DPYD: variants seen among roughly 807,000 people sequenced by gnomAD.
The protein encoded by DPYD is dihydropyrimidine dehydrogenase [NADP(+)].
In DPYD, 109 loss-of-function variants were observed where a neutral mutation model predicts 116.2. That is an observed-to-expected ratio of 0.94 (90% CI 0.80 to 1.10). The LOEUF (loss-of-function observed/expected upper bound fraction) is 1.10, where lower values mean the gene tolerates loss of function less well. Among genes scored for constraint, DPYD ranks in the 50% least tolerant of loss-of-function variants. The probability of loss-of-function intolerance (pLI) is 0.00; values close to 1 mark genes in which losing one functional copy is unlikely to be tolerated. For synonymous variants in DPYD, 440 were observed against 432.0 expected (o/e 1.02, Z -0.23); for missense variants, 1,302 against 1,254.5 (o/e 1.04, Z -0.57).
In DPYD at chr1:97,595,071, CT is replaced by C; in HGVS notation, c.945del (p.Gly316AlafsTer20). On this transcript the variant is annotated frameshift_variant, in exon 9 of 23. Coordinates refer to ENST00000370192, the MANE Select transcript of DPYD (RefSeq NM_000110.4). LOFTEE classifies it high-confidence loss of function. ...CAATATGTTATACCTGCTTTACTGCCTTTGGCTACAAGTGGCAAAAAGTCTT... is the reference window on the plus strand; with the variant it reads ...CAATATGTTATACCTGCTTTACTGCCTTGGCTACAAGTGGCAAAAAGTCTT... ...TSKDFLPLVA[K>X]GSKAGMCACH... is the part of the protein sequence containing the mutation. The C allele has an allele frequency of 3.1e-6, 5 of 1,613,120 alleles. No individual in the cohort carries two copies. Among genetic ancestry groups the C allele is most frequent in the Non-Finnish European group, 3.4e-6 (4 of 1,179,250 alleles).
intron 8 of DPYD, among the ~76,000 whole-genome samples, chr1:97,638,796 C>T (rs1657715193): frequency 1.3e-5 from 2 of 152,052 alleles, no homozygotes; most frequent in Admixed American, 1.3e-4. Context: ...AACCAGGTCT[C>T]ATGTGAACTT....
intron 21 of DPYD, among the ~76,000 whole-genome samples, chr1:97,086,409 G>C (rs1223326630): frequency 6.6e-6 from 1 of 151,370 alleles, no homozygotes; most frequent in Non-Finnish European, 1.5e-5. Context: ...TAAAGTTTAA[G>C]GCCAAAGAGT....
At chr1:97,737,741 A>T (rs940589233) in intron 4 of DPYD, among the ~76,000 whole-genome samples, 5 of 152,028 alleles carry the variant, frequency 3.3e-5, no homozygotes, top group Non-Finnish European at 5.9e-5. Flanking sequence ...CAATATATGT[A>T]CAATATATAT....
At chr1:97,360,284 C>T (rs1368969333) in intron 16 of DPYD, among the ~76,000 whole-genome samples, 4 of 152,138 alleles carry the variant, frequency 2.6e-5, no homozygotes, top group Non-Finnish European at 4.4e-5. Context: ...CAGGAGCACC[C>T]AGATTCATAA....
At chr1:97,709,635 T>C (rs1490559099) in intron 5 of DPYD, among the ~76,000 whole-genome samples, 3 of 151,774 alleles carry the variant, frequency 2.0e-5, no homozygotes, top group South Asian at 2.1e-4. Context: ...AATGGAAAGA[T>C]TGCAATGCAG....
chr1:97,797,307 G>A (rs1667621912), intron 3 of DPYD: 1 of 152,046 alleles, frequency 6.6e-6, no homozygotes, highest in African/African-American at 2.4e-5. Context: ...TATAAACAAA[G>A]ATACCAGACA....
intron 14 of DPYD, among the ~76,000 whole-genome samples, chr1:97,418,603 G>A (rs1674410037): frequency 6.6e-6 from 1 of 152,038 alleles, no homozygotes; most frequent in Non-Finnish European, 1.5e-5. Flanking sequence ...CCCAGCCTAA[G>A]ATGATTTCTT....
At chr1:97,393,479 T>C (rs1046705536) in intron 14 of DPYD, among the ~76,000 whole-genome samples, 9 of 151,656 alleles carry the variant, frequency 5.9e-5, no homozygotes, top group African/African-American at 2.2e-4. Context: ...GTGTGTGATG[T>C]TCCCTACCTT....
At chr1:97,110,314 T>C (rs1321533563) in intron 20 of DPYD, among the ~76,000 whole-genome samples, 1 of 152,094 alleles carries the variant, frequency 6.6e-6, no homozygotes, top group Non-Finnish European at 1.5e-5. Flanking sequence ...TCACTTTTAG[T>C]GCAATAGAAT....
rs140523224 is a variant in DPYD, at chr1:97,869,882, T to C, written c.150+13382A>G. Among the ~76,000 whole-genome samples, 367 of 151,958 alleles carry C rather than the reference T, an allele frequency of 2.4e-3. 2 individuals are homozygous for C. The highest frequency in any genetic ancestry group is 7.7e-3 in the African/African-American group (321 of 41,540). On this transcript the variant is annotated intron_variant, in intron 2 of 22. Coordinates refer to ENST00000370192, the MANE Select transcript of DPYD (RefSeq NM_000110.4). ...CTTTCATGTGAAGGTCTTGTGCACA[T>C]ATAAATTAAAATATGAACATCAAAT...
chr1:97,566,693 C>T (rs1557803664), intron 11 of DPYD, among the ~76,000 whole-genome samples: 1 of 152,002 alleles, frequency 6.6e-6, no homozygotes, highest in African/African-American at 2.4e-5. Flanking sequence ...TTCAATTTTT[C>T]CCCCTTCCCC....
At chr1:97,705,711 C>T (rs1295023757) in intron 5 of DPYD, among the ~76,000 whole-genome samples, 12 of 152,122 alleles carry the variant, frequency 7.9e-5, no homozygotes, top group East Asian at 1.9e-4. Flanking sequence ...ATCGCCACAC[C>T]GACTTCCACA....
At position 97,920,967 on chromosome 1, in the gene DPYD, G is replaced by C. The variant is rs1335752396; in HGVS notation, c.-45C>G. The C allele has an allele frequency of 1.3e-6, 2 of 1,559,720 alleles. No homozygotes were observed. The highest frequency in any genetic ancestry group is 3.8e-5 in the Admixed American group (2 of 52,554). ...AGTCTGCCAGTGACAAACCCTCCTT[G>C]CGTCCTCAAGCTCCAGCCAGAGAGC... is the stretch of plus-strand genomic sequence containing the variant. On this transcript the variant is annotated 5_prime_UTR_variant, in exon 1 of 23. Transcript: ENST00000370192.
chr1:97,573,386 T>C (rs1222613361), intron 11 of DPYD, among the ~76,000 whole-genome samples: 1 of 152,116 alleles, frequency 6.6e-6, no homozygotes, highest in Non-Finnish European at 1.5e-5. Context: ...ATTCATTAGA[T>C]TTTGATTTGT....
At chr1:97,485,993 A>G (rs1339384876) in intron 13 of DPYD, among the ~76,000 whole-genome samples, 1 of 152,208 alleles carries the variant, frequency 6.6e-6, no homozygotes, top group Non-Finnish European at 1.5e-5. Flanking sequence ...TGGGAGAATA[A>G]GTATGAAGTA....
intron 12 of DPYD, among the ~76,000 whole-genome samples, chr1:97,517,229 G>C (rs1334268150): frequency 6.6e-6 from 1 of 151,990 alleles, no homozygotes; most frequent in Non-Finnish European, 1.5e-5. Context: ...GATGTTCTGG[G>C]CTTCAAGGCA....
At chr1:97,898,763 T>C (rs563066232) in intron 1 of DPYD, among the ~76,000 whole-genome samples, 144 of 151,928 alleles carry the variant, frequency 9.5e-4, no homozygotes, top group African/African-American at 3.4e-3. Flanking sequence ...CCACACTGTT[T>C]TCATGGTAGT....
At chr1:97,807,859 TGTGTATGTCCA>T (rs1241518580) in intron 3 of DPYD, among the ~76,000 whole-genome samples, 3 of 152,086 alleles carry the variant, frequency 2.0e-5, no homozygotes, top group Non-Finnish European at 4.4e-5. Flanking sequence ...TTTTTTAGCA[TGTGTATGTCCA>T]GTGGTTCCAG....
chr1:97,121,623 A>G (rs1652434627), intron 20 of DPYD, among the ~76,000 whole-genome samples: 1 of 152,174 alleles, frequency 6.6e-6, no homozygotes, highest in East Asian at 1.9e-4. Flanking sequence ...TCTGTTGGAA[A>G]GAAAACCACC....
Sources: allele counts gnomAD v4.1 joint callset (sites outside exome capture counted in the v4.1 genomes callset), GRCh38; gene constraint gnomAD v4.1.1; transcripts MANE v1.5; gene names NCBI Gene and HGNC (gene_info 2026-07-23, HGNC 2026-07-21).